The following MYO5A variants were observed in gnomAD, a reference collection of about 807,000 sequenced individuals.
MYO5A encodes unconventional myosin-Va.
Under a neutral mutation model 249.7 loss-of-function variants are expected in MYO5A, and 98 were observed. The observed-to-expected ratio is 0.39, with a 90% CI of 0.33 to 0.46. The LOEUF (loss-of-function observed/expected upper bound fraction) is 0.46. Ranked by LOEUF, MYO5A falls within the 20% of genes least tolerant of loss-of-function variation. The pLI, the probability that MYO5A is intolerant of heterozygous loss-of-function variation, is 0.98. For synonymous variants in MYO5A, 778 were observed against 810.6 expected (o/e 0.96, Z 0.68); for missense variants, 1,696 against 2,308.8 (o/e 0.73, Z 5.44).
chr15:52,421,862 C>G (rs970066736), intron 4 of MYO5A, among the ~76,000 whole-genome samples: 1 of 152,132 alleles, frequency 6.6e-6, no homozygotes, highest in Non-Finnish European at 1.5e-5. Flanking sequence ...TTGGTAGATA[C>G]GTGACTAGTA....
At chr15:52,390,643 T>G (rs965223751) in intron 12 of MYO5A, among the ~76,000 whole-genome samples, 2 of 145,890 alleles carry the variant, frequency 1.4e-5, no homozygotes, top group South Asian at 4.8e-4. Context: ...CACTGCAAAC[T>G]CTGCCTCCCA....
intron 1 of MYO5A, among the ~76,000 whole-genome samples, chr15:52,446,081 A>C (rs755627819): frequency 1.3e-5 from 2 of 152,256 alleles, no homozygotes; most frequent in Non-Finnish European, 2.9e-5. Flanking sequence ...ACTAAAAGAG[A>C]GACAAGTGCT....
At position 52,481,146 on chromosome 15, in the gene MYO5A, G is replaced by T. The variant is rs80064336; in HGVS notation, c.27+47634C>A. 4.2e-4 allele frequency among the ~76,000 whole-genome samples: 64 copies of T among 152,260 alleles called. 4 individuals are homozygous for T. The East Asian group carries it at 0.012, about 29-fold the overall frequency. ...AGGTGCAAGCACATTTATCTGCATT[G>T]CCAAAATCCCAGTCAGCACCGGTGC... On this transcript the variant is annotated intron_variant, in intron 1 of 41. Transcript: ENST00000399233.
chr15:52,316,922 A>G (rs1002125379), intron 40 of MYO5A, 126 bp downstream of exon 40: 13 of 1,033,034 alleles, frequency 1.3e-5, no homozygotes, highest in Non-Finnish European at 1.8e-5. Context: ...GTAGAGGCAT[A>G]TATCTTCTTG....
At chr15:52,387,681 A>G in intron 14 of MYO5A, 148 bp downstream of exon 14, 1 of 639,724 alleles carries the variant, frequency 1.6e-6, no homozygotes, top group South Asian at 1.9e-5. Context: ...CCTGACATGC[A>G]GCTAAATTAC....
chr15:52,331,632 T>C (rs1205411945), intron 34 of MYO5A: 2 of 977,180 alleles, frequency 2.0e-6, no homozygotes, highest in Non-Finnish European at 2.4e-6. Context: ...TCACTCTGGG[T>C]AATTTCCTGG....
At chr15:52,496,920 ACCGATATAGGCTGC>A (rs1035325107) in intron 1 of MYO5A, among the ~76,000 whole-genome samples, 9 of 152,148 alleles carry the variant, frequency 5.9e-5, no homozygotes, top group African/African-American at 2.2e-4. Context: ...CCAGTCAGTC[ACCGATATAGGCTGC>A]CCTGCAAGAG....
At chr15:52,487,863 C>T (rs2076856510) in intron 1 of MYO5A, among the ~76,000 whole-genome samples, 1 of 152,138 alleles carries the variant, frequency 6.6e-6, no homozygotes, top group Non-Finnish European at 1.5e-5. Context: ...AATCCCTACC[C>T]CACATTCCCA....
At chr15:52,333,708 G>A (rs1405266990) in intron 34 of MYO5A, among the ~76,000 whole-genome samples, 2 of 152,094 alleles carry the variant, frequency 1.3e-5, no homozygotes, top group African/African-American at 4.8e-5. Context: ...TTAAAAGTCT[G>A]TTGGCTTTTT....
chr15:52,416,277 G>A lies in MYO5A; in HGVS notation c.480C>T (p.Ile160=), dbSNP rs200036117. The change falls in exon 5 of 42, where the codon ATC becomes ATT. Residue 160 remains isoleucine, a synonymous_variant. Coordinates refer to ENST00000399233, the MANE Select transcript of MYO5A (RefSeq NM_001382347.1). ...TTCCTGCCCCAGACTCTCCACTTAC[G>A]ATGATGGACTGATTTCGTTCATCTC... ...MARDERNQSI[I]VSGESGAGKT... 12 of 1,613,972 alleles carry A rather than the reference G, an allele frequency of 7.4e-6. 1 individual carries two copies. The Admixed American group carries it at 1.2e-4, about 16-fold the overall frequency.
At chr15:52,505,113 C>T (rs957068556) in intron 1 of MYO5A, 1 of 672,064 alleles carries the variant, frequency 1.5e-6, no homozygotes, top group Non-Finnish European at 2.7e-6. Flanking sequence ...AACAAAAGGT[C>T]CAAGGACAAT....
chr15:52,410,447 A>G lies in MYO5A; in HGVS notation c.642T>C (p.Asn214=), dbSNP rs1207739903. ...ESIGNAKTTR[N]DNSSRFGKYI... Reference sequence around the variant, plus strand: ...ACTTCCCAAAACGGCTGCTATTATCATTCCTGGTTGTTTTAGCATTTCCAA... The same window carrying G: ...ACTTCCCAAAACGGCTGCTATTATCGTTCCTGGTTGTTTTAGCATTTCCAA... The change falls in exon 6 of 42, where the codon AAT becomes AAC. Residue 214 remains asparagine, a synonymous_variant. Transcript: ENST00000399233. 1.2e-6 allele frequency: 2 copies of G among 1,613,644 alleles called. No homozygotes were observed. The highest frequency in any genetic ancestry group is 1.7e-6 in the Non-Finnish European group (2 of 1,179,706).
chr15:52,492,249 G>A (rs1479417361), intron 1 of MYO5A, among the ~76,000 whole-genome samples: 1 of 152,118 alleles, frequency 6.6e-6, no homozygotes, highest in Non-Finnish European at 1.5e-5. Context: ...CTGTACTCGT[G>A]GCCAAGATTT....
chr15:52,397,108 A>G (rs886450341), intron 10 of MYO5A, 93 bp downstream of exon 10: 3 of 1,446,160 alleles, frequency 2.1e-6, no homozygotes, highest in Non-Finnish European at 2.9e-6. Context: ...TCTCTTTACC[A>G]GTAGGAAACA....
rs545399338 is a variant in MYO5A at position 52,441,743 on chromosome 15, C to T, written c.28-8458G>A. Among the ~76,000 whole-genome samples the T allele has an allele frequency of 5.4e-4, 82 of 152,330 alleles. 1 individual carries two copies. The South Asian group carries it at 7.5e-3, about 14-fold the overall frequency. On this transcript the variant is annotated intron_variant, in intron 1 of 41. Coordinates refer to ENST00000399233, the MANE Select transcript of MYO5A (RefSeq NM_001382347.1). Reference sequence around the variant, plus strand: ...TTCTCAACATCTCTATTACCTTATACGATCTTCTGCTAGAATCCTTATCCC... The same window carrying T: ...TTCTCAACATCTCTATTACCTTATATGATCTTCTGCTAGAATCCTTATCCC...
chr15:52,316,198 C>A (rs1192940313), intron 40 of MYO5A, among the ~76,000 whole-genome samples: 2 of 129,040 alleles, frequency 1.5e-5, no homozygotes, highest in Non-Finnish European at 3.1e-5. Context: ...CATACCACTG[C>A]ACTCCAACCT....
chr15:52,341,038 G>A (rs1031485619), intron 31 of MYO5A, among the ~76,000 whole-genome samples: 2 of 151,526 alleles, frequency 1.3e-5, no homozygotes, highest in African/African-American at 4.9e-5. Context: ...CCTTGCATTT[G>A]CATTTATAAA....
chr15:52,505,236 T>C, intron 1 of MYO5A: 1 of 774,536 alleles, frequency 1.3e-6, no homozygotes. Context: ...AGGTGCTCAA[T>C]GATTACCTGA....
chr15:52,370,379 A>G lies in MYO5A; in HGVS notation c.2856T>C (p.Asn952=). 1.2e-6 allele frequency: 2 copies of G among 1,613,890 alleles called. No individual in the cohort carries two copies. Among genetic ancestry groups the G allele is most frequent in the Non-Finnish European group, 1.7e-6 (2 of 1,179,770 alleles). ...TCTCAGAGTTGTATATTCCTTCCAG[A>G]TTGGTTAGTTTCTCCACAAGGCATT... ...DYKCLVEKLT[N]LEGIYNSETE... Residue 952 remains asparagine, a synonymous_variant, in exon 22 of 42, where the codon AAT becomes AAC. Transcript: ENST00000399233.
Sources: allele counts gnomAD v4.1 joint callset (sites outside exome capture counted in the v4.1 genomes callset), GRCh38; gene constraint gnomAD v4.1.1; transcripts MANE v1.5; gene names NCBI Gene and HGNC (gene_info 2026-07-23, HGNC 2026-07-21).